HDAC8: variants seen among roughly 807,000 people sequenced by gnomAD.
HDAC8 encodes histone deacetylase 8.
In HDAC8, 1 loss-of-function variant was observed where a neutral mutation model predicts 32.2. That is an observed-to-expected ratio of 0.03 (90% CI 0.01 to 0.15). The LOEUF (loss-of-function observed/expected upper bound fraction) is 0.15, where lower values mean the gene tolerates loss of function less well. Among genes scored for constraint, HDAC8 ranks in the 10% least tolerant of loss-of-function variants. The pLI is 1.00. For missense variants in HDAC8, 117 were observed against 300.0 expected, an observed-to-expected ratio of 0.39 and a Z score of 4.51; for synonymous variants, 108 against 113.9, an observed-to-expected ratio of 0.95 and a Z score of 0.33.
chrX:72,350,431 G>A (rs1602546481), intron 10 of HDAC8, among the ~76,000 whole-genome samples: 1 of 111,604 alleles, frequency 9.0e-6, no homozygotes, highest in African/African-American at 3.3e-5. Context: ...CTCTCCGAGT[G>A]TAGTGTTTCC....
chrX:72,451,358 G>C (rs1274872506), intron 9 of HDAC8, among the ~76,000 whole-genome samples: 1 of 111,047 alleles, frequency 9.0e-6, no homozygotes, highest in African/African-American at 3.3e-5. Flanking sequence ...CACCACACCG[G>C]GCTTCTTTTT....
rs180803616 is a variant in HDAC8, at chrX:72,339,362, C to T, written c.1112-9286G>A. Among the ~76,000 whole-genome samples, 4 of 112,252 alleles carry T rather than the reference C, an allele frequency of 3.6e-5. No individual in the cohort carries two copies. In the Admixed American group the frequency reaches 3.8e-4, roughly 11 times the overall value. ...CTTGCCGTGAAGGAGTTCTTGGCCT[C>T]GTGAGGAAGACATATATGGAGGCAA... is the stretch of plus-strand genomic sequence containing the variant. On this transcript the variant is annotated intron_variant, in intron 10 of 10. Transcript: ENST00000373573.
At chrX:72,465,617 A>G (rs1442245724) in intron 7 of HDAC8, among the ~76,000 whole-genome samples, 1 of 111,834 alleles carries the variant, frequency 8.9e-6, no homozygotes, top group Non-Finnish European at 1.9e-5. Context: ...CCAGCCCTCA[A>G]GGGCCTGAAT....
chrX:72,522,590 C>A (rs1049509930), intron 4 of HDAC8, among the ~76,000 whole-genome samples: 13 of 112,169 alleles, frequency 1.2e-4, no homozygotes, highest in African/African-American at 4.2e-4. Flanking sequence ...CAGTGGTATG[C>A]CAGAGCCAGC....
chrX:72,416,448 C>T (rs782288603), intron 9 of HDAC8, among the ~76,000 whole-genome samples: 238 of 10,022 alleles, frequency 0.024, 6 homozygotes, highest in African/African-American at 0.064. Context: ...TTTTTTTGGT[C>T]ACTCTTACTA....
In HDAC8 at chrX:72,340,453, G is replaced by A. The variant is rs2043857671; in HGVS notation, c.1112-10377C>T. On this transcript the variant is annotated intron_variant, in intron 10 of 10. Transcript: ENST00000373573. ...TAATACAGCCTTACATCTGTATAAT[G>A]CTTTAGAGTTTGAAAGCTATTTGCT... Among the ~76,000 whole-genome samples, 3 of 112,191 alleles carry A rather than the reference G, an allele frequency of 2.7e-5. No individual in the cohort carries two copies. In the South Asian group the frequency reaches 1.1e-3, roughly 42 times the overall value.
chrX:72,344,794 G>A (rs1276698166), intron 10 of HDAC8, among the ~76,000 whole-genome samples: 5 of 111,392 alleles, frequency 4.5e-5, no homozygotes, highest in African/African-American at 1.6e-4. Flanking sequence ...CTTCATAACA[G>A]CTCTCAGTCA....
intron 7 of HDAC8, among the ~76,000 whole-genome samples, chrX:72,485,159 T>G (rs782569207): frequency 9.0e-6 from 1 of 111,393 alleles, no homozygotes; most frequent in African/African-American, 3.3e-5. Flanking sequence ...TAGGCTTCCA[T>G]TTGAAGGAGG....
chrX:72,393,269 G>T (rs2045660864), intron 9 of HDAC8, among the ~76,000 whole-genome samples: 1 of 111,605 alleles, frequency 9.0e-6, no homozygotes, highest in African/African-American at 3.3e-5. Context: ...AACACAAACG[G>T]AATTGTACAG....
intron 9 of HDAC8, among the ~76,000 whole-genome samples, chrX:72,414,661 A>C (rs1470293622): frequency 8.9e-6 from 1 of 111,887 alleles, no homozygotes; most frequent in Non-Finnish European, 1.9e-5. Flanking sequence ...AAGTAAACAT[A>C]TGTTACTGTT....
In HDAC8 at chrX:72,462,028, T is replaced by G. The variant is rs782311706; in HGVS notation, c.981A>C (p.Leu327=). 8.3e-6 allele frequency: 10 copies of G among 1,207,282 alleles called. No individual in the cohort carries two copies. The South Asian group carries it at 1.6e-4, about 19-fold the overall frequency. Residue 327 remains leucine, a synonymous_variant, in exon 9 of 11, where the codon CTA becomes CTC. Transcript: ENST00000373573. ...YLTGVILGKT[L]SSEIPDHEFF... is the part of the protein sequence containing the mutation. ...CCTCATGATCTGGGATCTCAGAGGA[T>G]AGTGTTTTCCCTAGGATGACCCCGG...
intron 4 of HDAC8, among the ~76,000 whole-genome samples, chrX:72,499,425 C>T (rs1556014933): frequency 9.0e-6 from 1 of 111,159 alleles, no homozygotes; most frequent in East Asian, 2.8e-4. Flanking sequence ...GAAATCATAC[C>T]ACCAAATACA....
intron 9 of HDAC8, among the ~76,000 whole-genome samples, chrX:72,435,384 C>T (rs1300746243): frequency 9.0e-6 from 1 of 110,787 alleles, no homozygotes; most frequent in Non-Finnish European, 1.9e-5. Context: ...TTAATTATAC[C>T]AAGAATCAGA....
intron 4 of HDAC8, among the ~76,000 whole-genome samples, chrX:72,528,738 A>T (rs374686103): frequency 9.0e-6 from 1 of 111,453 alleles, no homozygotes; most frequent in Non-Finnish European, 1.9e-5. Context: ...GGCCATTCTT[A>T]TCCAGTCTGG....
chrX:72,441,764 G>C (rs1339278992), intron 9 of HDAC8, among the ~76,000 whole-genome samples: 1 of 111,343 alleles, frequency 9.0e-6, no homozygotes, highest in Non-Finnish European at 1.9e-5. Context: ...TCAAACCAAA[G>C]GCAAAGAAGT....
chrX:72,547,397 TG>T (rs1569393666), intron 4 of HDAC8, among the ~76,000 whole-genome samples: 1 of 107,484 alleles, frequency 9.3e-6, no homozygotes, highest in Non-Finnish European at 1.9e-5. Flanking sequence ...TGGTGCCTCT[TG>T]GGGTTCTAGG....
chrX:72,379,867 GTC>G (rs2045218817), intron 9 of HDAC8, among the ~76,000 whole-genome samples: 1 of 110,497 alleles, frequency 9.1e-6, no homozygotes, highest in African/African-American at 3.3e-5. Context: ...GGTCACAGAA[GTC>G]TCTGCTTGGT....
chrX:72,431,516 ATCCT>A (rs1424726287), intron 9 of HDAC8, among the ~76,000 whole-genome samples: 2 of 108,863 alleles, frequency 1.8e-5, no homozygotes, highest in Non-Finnish European at 3.8e-5. Flanking sequence ...ATTCTTGTAC[ATCCT>A]TCTTTTTTTT....
intron 5 of HDAC8, among the ~76,000 whole-genome samples, chrX:72,491,827 G>C (rs1000444461): frequency 1.8e-5 from 2 of 111,528 alleles, no homozygotes; most frequent in African/African-American, 6.5e-5. Context: ...ATCACATATA[G>C]TCACACTATG....
Sources: gnomAD v4.1 joint callset for allele counts (sites outside exome capture counted in the v4.1 genomes callset) on GRCh38, gnomAD v4.1.1 for gene constraint, MANE v1.5 for transcripts, NCBI Gene and HGNC (gene_info 2026-07-23, HGNC 2026-07-21) for gene names.